The following METTL15 variants were observed in gnomAD, a reference collection of about 807,000 sequenced individuals.
METTL15 encodes the protein methyltransferase 15, mitochondrial 12S rRNA N4-cytidine, also known as 12S rRNA N(4)-cytidine methyltransferase METTL15.
Under a neutral mutation model 38.3 loss-of-function variants are expected in METTL15, and 34 were observed. The observed-to-expected ratio is 0.89, with a 90% CI of 0.68 to 1.18. The LOEUF (loss-of-function observed/expected upper bound fraction) is 1.18, where lower values mean the gene tolerates loss of function less well. METTL15 is among the 50% of genes most tolerant of loss of function. The probability of loss-of-function intolerance (pLI) is 0.00; values close to 1 mark genes in which losing one functional copy is unlikely to be tolerated. For synonymous variants in METTL15, 162 were observed against 170.9 expected, an observed-to-expected ratio of 0.95 and a Z score of 0.41; for missense variants, 438 against 498.4, an observed-to-expected ratio of 0.88 and a Z score of 1.15.
At chr11:28,390,610 CA>C (rs1206589179) in intron 5 of METTL15, among the ~76,000 whole-genome samples, 3 of 152,096 alleles carry the variant, frequency 2.0e-5, no homozygotes, top group Admixed American at 6.6e-5. Context: ...GTACTAGTAC[CA>C]GGCTGTTTTG....
At chr11:28,225,099 C>A (rs919497510) in intron 4 of METTL15, among the ~76,000 whole-genome samples, 3 of 151,370 alleles carry the variant, frequency 2.0e-5, no homozygotes, top group Non-Finnish European at 4.4e-5. Flanking sequence ...AAGTAATACT[C>A]CTTTATTTGT....
chr11:28,328,065 A>T (rs781179528), intron 6 of METTL15: 5 of 1,593,698 alleles, frequency 3.1e-6, no homozygotes, highest in South Asian at 1.1e-5. Flanking sequence ...CCTATTTTAC[A>T]TGAAAATATA....
At chr11:28,503,766 G>A (rs1851603807) in intron 6 of METTL15, among the ~76,000 whole-genome samples, 1 of 151,968 alleles carries the variant, frequency 6.6e-6, no homozygotes, top group African/African-American at 2.4e-5. Context: ...ACTCCAGCCT[G>A]GGCAACAGAA....
chr11:28,309,201 C>G (rs1011449688), intron 6 of METTL15, among the ~76,000 whole-genome samples: 2 of 152,198 alleles, frequency 1.3e-5, no homozygotes, highest in African/African-American at 4.8e-5. Context: ...GTTGTCCTTA[C>G]AGTAATATCT....
chr11:28,346,373 A>G (rs1054286370), intron 3 of METTL15, among the ~76,000 whole-genome samples: 3 of 152,186 alleles, frequency 2.0e-5, no homozygotes, highest in African/African-American at 7.2e-5. Flanking sequence ...TGTGGCTACA[A>G]TATTACAGTG....
downstream of METTL15, among the ~76,000 whole-genome samples, chr11:28,530,227 G>C (rs1851836977): frequency 6.6e-6 from 1 of 152,154 alleles, no homozygotes; most frequent in Non-Finnish European, 1.5e-5. Flanking sequence ...GAGACAGAGA[G>C]AGAGAAACCA....
chr11:28,341,008 A>G (rs547837346), intron 3 of METTL15, among the ~76,000 whole-genome samples: 1 of 152,344 alleles, frequency 6.6e-6, no homozygotes, highest in Non-Finnish European at 1.5e-5. Context: ...GGATGAGTTC[A>G]TGTCCTTTGC....
intron 5 of METTL15, among the ~76,000 whole-genome samples, chr11:28,290,928 A>G (rs891374453): frequency 1.2e-4 from 18 of 152,074 alleles, no homozygotes; most frequent in African/African-American, 3.1e-4. Flanking sequence ...ACACAGTACT[A>G]TAATAAGATA....
chr11:28,315,421 A>G (rs1346236698), intron 6 of METTL15, among the ~76,000 whole-genome samples: 12 of 152,190 alleles, frequency 7.9e-5, no homozygotes, highest in Non-Finnish European at 1.5e-5. Flanking sequence ...TGGGGGAAGA[A>G]ATTTCTAAGC....
At position 28,509,613 on chromosome 11, in the gene METTL15, A is replaced by G. The variant is rs572460957; in HGVS notation, c.*425-16865A>G. On this transcript the variant is annotated intron_variant and NMD_transcript_variant, in intron 6 of 7. Coordinates refer to the METTL15 transcript ENST00000532947. ...CAGGAGACCTTGTTTCTGCTTCAGT[A>G]TGGGCTGATAACTGAGTTGTGAACT... 5.3e-5 allele frequency among the ~76,000 whole-genome samples: 8 copies of G among 152,224 alleles called. 1 individual carries two copies. The South Asian group carries it at 1.7e-3, about 32-fold the overall frequency.
chr11:28,381,820 G>C (rs1324706278), intron 5 of METTL15, among the ~76,000 whole-genome samples: 3 of 151,906 alleles, frequency 2.0e-5, no homozygotes, highest in Non-Finnish European at 4.4e-5. Context: ...TTGAATTCTT[G>C]GTCAGATAAT....
At chr11:28,501,688 C>G (rs2133491246) in intron 6 of METTL15, among the ~76,000 whole-genome samples, 1 of 152,200 alleles carries the variant, frequency 6.6e-6, no homozygotes, top group South Asian at 2.1e-4. Context: ...GGAATGTCAA[C>G]AGAACTCTCA....
At chr11:28,131,580 C>G (rs1418096015) in intron 3 of METTL15, among the ~76,000 whole-genome samples, 1 of 125,792 alleles carries the variant, frequency 7.9e-6, no homozygotes, top group Non-Finnish European at 1.7e-5. Flanking sequence ...GTTTATTTCT[C>G]TTATTTTTTT....
intron 5 of METTL15, among the ~76,000 whole-genome samples, chr11:28,367,337 C>T (rs4923529): frequency 0.99 from 151,060 of 152,292 alleles, 74,933 homozygotes; most frequent in Middle Eastern, 1. Context: ...ATTAGGAAAG[C>T]AAATGCACAA....
chr11:28,295,553 A>G lies in METTL15; in HGVS notation c.600-1200A>G, dbSNP rs1035689767. Among the ~76,000 whole-genome samples, 4 of 151,774 alleles carry G rather than the reference A, an allele frequency of 2.6e-5. No individual in the cohort carries two copies. The South Asian group carries it at 8.3e-4, about 31-fold the overall frequency. Reference sequence around the variant, plus strand: ...GAGGTGGAGGTTGCAATGAGCTGAGATTTGCCTTTGTACTCCAGCCTGGGC... The same window carrying G: ...GAGGTGGAGGTTGCAATGAGCTGAGGTTTGCCTTTGTACTCCAGCCTGGGC... On this transcript the variant is annotated intron_variant, in intron 5 of 6. Transcript: ENST00000407364.
downstream of METTL15, among the ~76,000 whole-genome samples, chr11:28,530,878 C>T (rs1017221866): frequency 5.3e-5 from 8 of 152,002 alleles, no homozygotes; most frequent in African/African-American, 1.9e-4. Context: ...ATATGTCTCT[C>T]TTAAAAACTC....
intron 6 of METTL15, among the ~76,000 whole-genome samples, chr11:28,508,200 A>G (rs911933476): frequency 5.3e-5 from 8 of 151,086 alleles, no homozygotes; most frequent in African/African-American, 1.9e-4. Flanking sequence ...TTTTCATAGC[A>G]TTTATTACCA....
chr11:28,502,866 G>A (rs891726026), intron 6 of METTL15, among the ~76,000 whole-genome samples: 3 of 151,912 alleles, frequency 2.0e-5, no homozygotes, highest in African/African-American at 7.3e-5. Flanking sequence ...AGGAAAGTAG[G>A]GTTTGGCGAG....
chr11:28,112,883 G>A (rs1188853788), intron 2 of METTL15, among the ~76,000 whole-genome samples: 1 of 152,102 alleles, frequency 6.6e-6, no homozygotes, highest in Admixed American at 6.6e-5. Flanking sequence ...TGAAATAGAA[G>A]ACCATCTGAA....
Sources: allele counts gnomAD v4.1 joint callset (sites outside exome capture counted in the v4.1 genomes callset), GRCh38; gene constraint gnomAD v4.1.1; transcripts MANE v1.5; gene names NCBI Gene and HGNC (gene_info 2026-07-23, HGNC 2026-07-21).